The following ARHGAP17 variants were observed in gnomAD, a reference collection of about 807,000 sequenced individuals.
ARHGAP17 encodes the protein rho GTPase-activating protein 17.
Under a neutral mutation model 99.5 loss-of-function variants are expected in ARHGAP17, and 57 were observed. That is an observed-to-expected ratio of 0.57 (90% confidence interval 0.46 to 0.71). The LOEUF (loss-of-function observed/expected upper bound fraction) is 0.71, where lower values mean the gene tolerates loss of function less well. Among genes scored for constraint, ARHGAP17 ranks in the 30% least tolerant of loss-of-function variants. The probability of loss-of-function intolerance (pLI) is 0.00; values close to 1 mark genes in which losing one functional copy is unlikely to be tolerated. For synonymous variants in ARHGAP17, 417 were observed against 429.6 expected (o/e 0.97, Z 0.36); for missense variants, 1,000 against 1,122.4 (o/e 0.89, Z 1.56).
chr16:24,962,648 C>T (rs2052045854), intron 7 of ARHGAP17, among the ~76,000 whole-genome samples: 1 of 152,122 alleles, frequency 6.6e-6, no homozygotes, highest in Admixed American at 6.5e-5. Context: ...AAAATGAGTT[C>T]AAATAATTAC....
Position 24,935,540 on chromosome 16 carries a change from A to T in ARHGAP17, c.1824T>A (p.Ala608=), listed in dbSNP as rs147443907. 1 of 1,613,888 alleles carries T rather than the reference A, an allele frequency of 6.2e-7. No individual in the cohort carries two copies. Among genetic ancestry groups the T allele is most frequent in the East Asian group, 2.2e-5 (1 of 44,874 alleles). Residue 608 remains alanine (A), a synonymous_variant, in exon 18 of 20, where the codon GCT becomes GCA. Coordinates refer to ENST00000289968, the MANE Select transcript of ARHGAP17 (RefSeq NM_001006634.3). Reference sequence around the variant, plus strand: ...GGCCCATGGAGAGCTGGTGGGAGCCAGCAGCTGCCTGGGGCTGATTTTGGC... The same window carrying T: ...GGCCCATGGAGAGCTGGTGGGAGCCTGCAGCTGCCTGGGGCTGATTTTGGC... ...ASGQNQPQAA[A]GSHQLSMGQP...
chr16:24,999,004 G>A (rs968401072), intron 1 of ARHGAP17, among the ~76,000 whole-genome samples: 12 of 151,988 alleles, frequency 7.9e-5, no homozygotes, highest in East Asian at 3.9e-4. Flanking sequence ...AGTGGCGAAT[G>A]TCTTTCTGGA....
intron 1 of ARHGAP17, among the ~76,000 whole-genome samples, chr16:24,992,063 G>C (rs2053058877): frequency 6.6e-6 from 1 of 152,168 alleles, no homozygotes; most frequent in Admixed American, 6.5e-5. Context: ...GGTTTGGGGA[G>C]GAGTGTGTAC....
At chr16:24,952,259 C>T (rs2141236035) in intron 12 of ARHGAP17, 30 bp downstream of exon 12, 1 of 1,549,658 alleles carries the variant, frequency 6.5e-7, no homozygotes, top group Non-Finnish European at 8.9e-7. Context: ...TTCCCTTTAA[C>T]ATTTACAACT....
intron 1 of ARHGAP17, among the ~76,000 whole-genome samples, chr16:25,004,359 G>A (rs968683310): frequency 1.3e-5 from 2 of 152,194 alleles, no homozygotes; most frequent in Non-Finnish European, 2.9e-5. Flanking sequence ...CTTTGTGCCT[G>A]TGCCCACACT....
At chr16:24,992,146 C>A (rs1432853563) in intron 1 of ARHGAP17, among the ~76,000 whole-genome samples, 1 of 152,004 alleles carries the variant, frequency 6.6e-6, no homozygotes, top group African/African-American at 2.4e-5. Flanking sequence ...AACTCGGGGG[C>A]AACAGGGAGC....
At chr16:24,960,073 G>A (rs2051939531) in intron 7 of ARHGAP17, 94 bp from the exon 8 acceptor site, 1 of 1,187,276 alleles carries the variant, frequency 8.4e-7, no homozygotes, top group Non-Finnish European at 1.2e-6. Flanking sequence ...AGATGAAAAA[G>A]TGATGGAAAG....
rs116154492 is a variant in ARHGAP17 at position 24,970,772 on chromosome 16, T to C, written c.199-192A>G. 6.2e-3 allele frequency among the ~76,000 whole-genome samples: 948 copies of C among 152,366 alleles called. 11 individuals are homozygous for C. Among genetic ancestry groups the C allele is most frequent in the African/African-American group, 0.021 (890 of 41,576 alleles). On this transcript the variant is annotated intron_variant, in intron 3 of 19. Transcript: ENST00000289968. ...ATCTCTGTTTCAGTTTGGGGCTATC[T>C]GTTGACTAAAGAAAACATATCAAGT...
intron 1 of ARHGAP17, among the ~76,000 whole-genome samples, chr16:24,999,113 T>C (rs1567265786): frequency 6.6e-6 from 1 of 152,232 alleles, no homozygotes; most frequent in Admixed American, 6.5e-5. Context: ...ATTTCATCAG[T>C]GAAAAGTGGA....
chr16:24,987,186 G>A lies in ARHGAP17; in HGVS notation c.54-8181C>T, dbSNP rs368877575. Reference sequence around the variant, plus strand: ...CCACTGCAGCACAAAAGCTGCCACAGACATTGTATAAATGAACGGACCTGG... The same window carrying A: ...CCACTGCAGCACAAAAGCTGCCACAAACATTGTATAAATGAACGGACCTGG... On this transcript the variant is annotated intron_variant, in intron 1 of 19. Transcript: ENST00000289968. Among the ~76,000 whole-genome samples the A allele has an allele frequency of 2.6e-5, 4 of 152,326 alleles. No individual in the cohort carries two copies. In the East Asian group the frequency reaches 7.7e-4, roughly 29 times the overall value.
intron 1 of ARHGAP17, among the ~76,000 whole-genome samples, chr16:24,984,344 C>T (rs965080982): frequency 5.3e-5 from 8 of 152,156 alleles, no homozygotes; most frequent in Non-Finnish European, 8.8e-5. Context: ...TCCTCCCCAG[C>T]GGCAAGCTCA....
chr16:24,960,105 C>T (rs1334440861), intron 7 of ARHGAP17, 126 bp from the exon 8 acceptor site: 14 of 837,504 alleles, frequency 1.7e-5, no homozygotes, highest in Non-Finnish European at 2.7e-5. Flanking sequence ...AAATGTCCAT[C>T]AACTGCCTGG....
intron 1 of ARHGAP17, among the ~76,000 whole-genome samples, chr16:24,986,477 T>C (rs754479814): frequency 2.6e-5 from 4 of 152,134 alleles, no homozygotes; most frequent in Non-Finnish European, 2.9e-5. Flanking sequence ...TTTAAAATGA[T>C]TGGAAAAAAA....
At chr16:24,953,093 A>T in intron 10 of ARHGAP17, 51 bp from the exon 11 acceptor site, 1 of 1,538,656 alleles carries the variant, frequency 6.5e-7, no homozygotes, top group Non-Finnish European at 9.0e-7. Context: ...GGACACTCAG[A>T]CTAAGTGGCA....
At chr16:24,950,274 G>A (rs1411810962) in intron 12 of ARHGAP17, among the ~76,000 whole-genome samples, 1 of 152,076 alleles carries the variant, frequency 6.6e-6, no homozygotes, top group Non-Finnish European at 1.5e-5. Flanking sequence ...ACAGATAGAC[G>A]CCTTCTTTTA....
At chr16:24,936,132 T>C (rs2152453647) in intron 17 of ARHGAP17, 1 of 172,946 alleles carries the variant, frequency 5.8e-6, no homozygotes, top group East Asian at 1.7e-4. Flanking sequence ...ACATATACAC[T>C]GTACAAAACT....
chr16:24,959,679 G>A lies in ARHGAP17; in HGVS notation c.716C>T (p.Ala239Val). 1 of 1,613,974 alleles carries A rather than the reference G, an allele frequency of 6.2e-7. No homozygotes were observed. The highest frequency in any genetic ancestry group is 8.5e-7 in the Non-Finnish European group (1 of 1,179,986). Reference protein sequence around the residue: ...VLEKTLPEMRAHQDKWAEKPA... With the variant: ...VLEKTLPEMRVHQDKWAEKPA... ...CACGCGGGTTACATTACCTTGATGG[G>A]CTCGCATTTCGGGGAGGGTCTTTTC... Residue 239 changes from alanine (A) to valine (V), a missense_variant, in exon 9 of 20, where the codon GCC becomes GTC. This residue lies in a region of ARHGAP17 where 472 missense variants were observed against 611.1 expected (regional missense o/e 0.77). Transcript: ENST00000289968.
chr16:25,015,201 G>A lies in ARHGAP17; in HGVS notation c.53+8C>T. The A allele has an allele frequency of 7.6e-7, 1 of 1,319,604 alleles. No homozygotes were observed. The highest frequency in any genetic ancestry group is 9.7e-7 in the Non-Finnish European group (1 of 1,027,554). 81.7% of individuals were successfully genotyped at this position (1,319,604 alleles called of 1,614,324 possible). A position where few individuals can be genotyped will look rare whatever the true frequency, so the allele number is the denominator to read the frequency against. On this transcript the variant is annotated splice_region_variant and intron_variant, in intron 1 of 19. Transcript: ENST00000289968. Reference sequence around the variant, plus strand: ...CGGTGCGACCCCCGTGCTGCCCGGCGCACTCGCCTGCCCACGGTCTGGTTA... The same window carrying A: ...CGGTGCGACCCCCGTGCTGCCCGGCACACTCGCCTGCCCACGGTCTGGTTA...
chr16:24,926,007 G>A (rs1240580486), intron 19 of ARHGAP17, among the ~76,000 whole-genome samples: 1 of 151,604 alleles, frequency 6.6e-6, no homozygotes, highest in Non-Finnish European at 1.5e-5. Flanking sequence ...CTACTCGGGA[G>A]GCTGAGGCAG....
Sources: gnomAD v4.1 joint callset for allele counts (sites outside exome capture counted in the v4.1 genomes callset) on GRCh38, gnomAD v4.1.1 for gene constraint, gnomAD v4.1.1 regional missense constraint, MANE v1.5 for transcripts, NCBI Gene and HGNC (gene_info 2026-07-23, HGNC 2026-07-21) for gene names.